DNAJC1: variants seen among roughly 807,000 people sequenced by gnomAD.
DNAJC1 encodes DnaJ heat shock protein family (Hsp40) member C1, also known as dnaJ homolog subfamily C member 1.
DNAJC1 carries 58 observed loss-of-function variants against 76.6 expected under a neutral mutation model. That is an observed-to-expected ratio of 0.76 (90% CI 0.61 to 0.94). The LOEUF (loss-of-function observed/expected upper bound fraction) is 0.94, where lower values mean the gene tolerates loss of function less well. DNAJC1 is among the 40% of genes least tolerant of loss of function. The probability of loss-of-function intolerance (pLI) is 0.00; values close to 1 mark genes in which losing one functional copy is unlikely to be tolerated. For missense variants in DNAJC1, 689 were observed against 677.3 expected, an observed-to-expected ratio of 1.02 and a Z score of -0.19; for synonymous variants, 258 against 267.9, an observed-to-expected ratio of 0.96 and a Z score of 0.36.
chr10:21,968,659 C>T (rs111554548), intron 1 of DNAJC1, among the ~76,000 whole-genome samples: 12,590 of 151,884 alleles, frequency 0.083, 1,252 homozygotes, highest in African/African-American at 0.24. Context: ...TACAAGCATC[C>T]GCCACCACGC....
chr10:21,911,187 G>A (rs1324302199), intron 6 of DNAJC1, among the ~76,000 whole-genome samples: 2 of 152,008 alleles, frequency 1.3e-5, no homozygotes, highest in East Asian at 3.9e-4. Flanking sequence ...GAACGTGGAA[G>A]AGCTATGAGG....
intron 9 of DNAJC1, among the ~76,000 whole-genome samples, chr10:21,798,195 C>T (rs1834770386): frequency 6.6e-6 from 1 of 152,172 alleles, no homozygotes; most frequent in Non-Finnish European, 1.5e-5. Context: ...CTCTTTCCCA[C>T]CTCTACCAAC....
At chr10:21,788,608 C>T (rs563009981) in intron 9 of DNAJC1, among the ~76,000 whole-genome samples, 6 of 152,264 alleles carry the variant, frequency 3.9e-5, no homozygotes, top group South Asian at 4.1e-4. Context: ...CAGCCATGTT[C>T]GGCCATTCTG....
chr10:21,814,773 T>C (rs987679034), intron 8 of DNAJC1, among the ~76,000 whole-genome samples: 1 of 152,194 alleles, frequency 6.6e-6, no homozygotes, highest in East Asian at 1.9e-4. Context: ...CTGCCCTGGA[T>C]TGGATTTATT....
chr10:21,972,694 G>C (rs975341511), intron 1 of DNAJC1, among the ~76,000 whole-genome samples: 24 of 151,898 alleles, frequency 1.6e-4, no homozygotes, highest in African/African-American at 5.6e-4. Flanking sequence ...TGTTCTAAAT[G>C]AGTGATTAGG....
At chr10:21,776,217 A>C (rs191931964) in intron 9 of DNAJC1, among the ~76,000 whole-genome samples, 13 of 152,340 alleles carry the variant, frequency 8.5e-5, no homozygotes, top group African/African-American at 3.1e-4. Flanking sequence ...GGCCAGAGCT[A>C]GGATCAGTCA....
intron 8 of DNAJC1, among the ~76,000 whole-genome samples, chr10:21,808,516 G>C (rs532312990): frequency 1.3e-5 from 2 of 152,106 alleles, no homozygotes; most frequent in Non-Finnish European, 2.9e-5. Context: ...GCTCGATAGT[G>C]ACTAGGGCCA....
intron 8 of DNAJC1, among the ~76,000 whole-genome samples, chr10:21,817,016 C>G (rs1181845393): frequency 6.7e-6 from 1 of 149,356 alleles, no homozygotes; most frequent in Non-Finnish European, 1.5e-5. Flanking sequence ...AAAAATTAGC[C>G]GGGCGTGGTG....
At chr10:21,763,180 C>G (rs1834260448) in intron 10 of DNAJC1, among the ~76,000 whole-genome samples, 1 of 152,208 alleles carries the variant, frequency 6.6e-6, no homozygotes, top group African/African-American at 2.4e-5. Context: ...ATCCGCCCAT[C>G]TTGGCCTCCC....
chr10:21,995,107 A>C (rs1318122295), intron 1 of DNAJC1, among the ~76,000 whole-genome samples: 1 of 151,966 alleles, frequency 6.6e-6, no homozygotes. Context: ...ATTAAAAAAA[A>C]TTTTCTAAAA....
chr10:21,798,343 G>C (rs1181637084), intron 9 of DNAJC1, among the ~76,000 whole-genome samples: 1 of 152,168 alleles, frequency 6.6e-6, no homozygotes, highest in African/African-American at 2.4e-5. Context: ...CCTTTACTCA[G>C]AATCTTCCAG....
intron 9 of DNAJC1, among the ~76,000 whole-genome samples, chr10:21,798,142 T>C (rs895695214): frequency 3.9e-5 from 6 of 152,350 alleles, no homozygotes; most frequent in Middle Eastern, 3.4e-3. Context: ...CAAGTATACA[T>C]TGCTAATTAA....
intron 8 of DNAJC1, among the ~76,000 whole-genome samples, chr10:21,841,996 G>A (rs1835581858): frequency 6.7e-6 from 1 of 149,360 alleles, no homozygotes; most frequent in South Asian, 2.1e-4. Flanking sequence ...GTATTGCAAG[G>A]ACAAAAAACC....
At chr10:21,920,416 TTACCTA>T in intron 4 of DNAJC1, among the ~76,000 whole-genome samples, 1 of 152,140 alleles carries the variant, frequency 6.6e-6, no homozygotes, top group East Asian at 1.9e-4. Context: ...TTTTATTTAT[TTACCTA>T]AAACATTTTA....
intron 7 of DNAJC1, among the ~76,000 whole-genome samples, chr10:21,896,774 T>C (rs966660885): frequency 6.6e-6 from 1 of 152,170 alleles, no homozygotes; most frequent in Non-Finnish European, 1.5e-5. Flanking sequence ...GTTTCAATGT[T>C]TGAGTCCTTC....
chr10:21,991,705 T>C (rs1394116717), intron 1 of DNAJC1, among the ~76,000 whole-genome samples: 2 of 152,236 alleles, frequency 1.3e-5, no homozygotes, highest in African/African-American at 4.8e-5. Flanking sequence ...CTATCCAATG[T>C]ATGCTATCCA....
intron 9 of DNAJC1, among the ~76,000 whole-genome samples, chr10:21,786,786 T>C (rs925394020): frequency 3.9e-5 from 6 of 152,130 alleles, no homozygotes; most frequent in Non-Finnish European, 7.3e-5. Flanking sequence ...CGGGAATTTC[T>C]ATCGATCCAA....
chr10:21,891,399 T>C (rs996087761), intron 7 of DNAJC1, among the ~76,000 whole-genome samples: 5 of 133,754 alleles, frequency 3.7e-5, no homozygotes, highest in African/African-American at 1.2e-4. Context: ...AACAGCAGAA[T>C]GAAGCAAACA....
chr10:21,977,915 G>A (rs1355696729), intron 1 of DNAJC1, among the ~76,000 whole-genome samples: 2 of 151,412 alleles, frequency 1.3e-5, no homozygotes, highest in African/African-American at 4.9e-5. Context: ...AAGTGACAAG[G>A]GAAAAAAAAT....
Sources: allele counts gnomAD v4.1 joint callset (sites outside exome capture counted in the v4.1 genomes callset), GRCh38; gene constraint gnomAD v4.1.1; transcripts MANE v1.5; gene names NCBI Gene and HGNC (gene_info 2026-07-23, HGNC 2026-07-21).